Variants in MYCBP2 observed in about 807,000 individuals in gnomAD.
MYCBP2 encodes E3 ubiquitin-protein ligase MYCBP2.
A neutral mutation model predicts 525.3 loss-of-function variants in MYCBP2; 120 were observed. That is an observed-to-expected ratio of 0.23 (90% confidence interval 0.20 to 0.27). MYCBP2 has a LOEUF of 0.27. MYCBP2 is among the 10% of genes least tolerant of loss of function. The pLI is 1.00. For missense variants in MYCBP2, 4,149 were observed against 5,657.1 expected (o/e 0.73, Z 8.55); for synonymous variants, 1,894 against 1,955.8 (o/e 0.97, Z 0.83).
intron 1 of MYCBP2, among the ~76,000 whole-genome samples, chr13:77,322,290 G>A (rs1290558009): frequency 6.6e-6 from 1 of 152,180 alleles, no homozygotes; most frequent in Non-Finnish European, 1.5e-5. Flanking sequence ...AGGGGGTTAA[G>A]TTTAGATTCC....
intron 55 of MYCBP2, among the ~76,000 whole-genome samples, chr13:77,105,680 C>G (rs1230007036): frequency 6.6e-6 from 1 of 152,008 alleles, no homozygotes; most frequent in Non-Finnish European, 1.5e-5. Flanking sequence ...TTTACAAAAT[C>G]CTGTTAATAC....
intron 82 of MYCBP2, among the ~76,000 whole-genome samples, chr13:77,046,557 G>C (rs1386715714): frequency 6.6e-6 from 1 of 152,186 alleles, no homozygotes; most frequent in Non-Finnish European, 1.5e-5. Flanking sequence ...AAAGCTCTTA[G>C]ACTGCACAGT....
chr13:77,291,068 A>T (rs180820217), intron 2 of MYCBP2, among the ~76,000 whole-genome samples: 1 of 152,236 alleles, frequency 6.6e-6, no homozygotes, highest in African/African-American at 2.4e-5. Flanking sequence ...AAAATTCAAT[A>T]TCATTAAAAT....
intron 49 of MYCBP2, 77 bp downstream of exon 49, chr13:77,144,368 G>T: frequency 1.9e-6 from 2 of 1,034,510 alleles, no homozygotes. Flanking sequence ...AAGTTAATGG[G>T]CAAAACTAGA....
intron 4 of MYCBP2, 81 bp downstream of exon 4, chr13:77,278,677 T>A: frequency 8.2e-7 from 1 of 1,212,634 alleles, no homozygotes; most frequent in Non-Finnish European, 1.1e-6. Flanking sequence ...AATATTCTCT[T>A]AACAATTTTG....
chr13:77,077,193 G>A lies in MYCBP2; in HGVS notation c.11679C>T (p.Asn3893=). Reference sequence around the variant, plus strand: ...ATACTCGCAGAGTCTCAGCTTCACAGTTCCTCTGCTGGGCCACACTGGCTG... The same window carrying A: ...ATACTCGCAGAGTCTCAGCTTCACAATTCCTCTGCTGGGCCACACTGGCTG... ...QISASVAQQR[N]CEAETLRVFR... is the part of the protein sequence containing the mutation. The change falls in exon 67 of 83, where the codon AAC becomes AAT. Residue 3893 remains asparagine, a synonymous_variant. Transcript: ENST00000544440. The A allele has an allele frequency of 6.2e-7, 1 of 1,614,016 alleles. No individual in the cohort carries two copies. Among genetic ancestry groups the A allele is most frequent in the Non-Finnish European group, 8.5e-7 (1 of 1,179,970 alleles).
intron 3 of MYCBP2, 62 bp downstream of exon 3, chr13:77,288,099 G>T: frequency 1.3e-6 from 2 of 1,497,176 alleles, no homozygotes; most frequent in Admixed American, 1.8e-5. Context: ...GCGTATATAT[G>T]CATTATAGCC....
At chr13:77,306,485 G>C (rs1403098525) in intron 1 of MYCBP2, among the ~76,000 whole-genome samples, 2 of 152,114 alleles carry the variant, frequency 1.3e-5, no homozygotes, top group Non-Finnish European at 2.9e-5. Context: ...GTCTTCACAT[G>C]GGGGGAGGAC....
At chr13:77,161,774 T>C (rs1419360416) in intron 44 of MYCBP2, 132 bp downstream of exon 44, 1 of 627,664 alleles carries the variant, frequency 1.6e-6, no homozygotes, top group Non-Finnish European at 2.7e-6. Context: ...GTTATTTATC[T>C]CTATAATGCC....
chr13:77,260,632 A>G, intron 12 of MYCBP2, 40 bp from the exon 13 acceptor site: 2 of 1,454,668 alleles, frequency 1.4e-6, no homozygotes, highest in South Asian at 1.3e-5. Context: ...ACCTCTATGT[A>G]CAAATAATAA....
intron 30 of MYCBP2, among the ~76,000 whole-genome samples, chr13:77,188,571 A>C (rs946840418): frequency 4.6e-5 from 7 of 152,218 alleles, no homozygotes; most frequent in African/African-American, 1.7e-4. Context: ...TCCTAGTTAG[A>C]TATGCAACTC....
At chr13:77,241,215 A>G (rs943935441) in intron 17 of MYCBP2, among the ~76,000 whole-genome samples, 1 of 152,196 alleles carries the variant, frequency 6.6e-6, no homozygotes, top group African/African-American at 2.4e-5. Flanking sequence ...TCACCAAGTT[A>G]TGTCAAGTTA....
At chr13:77,074,364 T>C (rs1243124024) in intron 68 of MYCBP2, among the ~76,000 whole-genome samples, 5 of 152,086 alleles carry the variant, frequency 3.3e-5, no homozygotes, top group Non-Finnish European at 7.4e-5. Flanking sequence ...ATAACATTTC[T>C]AAAGGAAAAG....
intron 18 of MYCBP2, among the ~76,000 whole-genome samples, chr13:77,231,033 A>G (rs1308899155): frequency 2.0e-5 from 3 of 152,254 alleles, no homozygotes; most frequent in Non-Finnish European, 4.4e-5. Context: ...GAGGGAAATT[A>G]GTGAGCAGTA....
intron 2 of MYCBP2, among the ~76,000 whole-genome samples, chr13:77,294,110 A>ATATATACATATG (rs1567181668): frequency 2.0e-5 from 1 of 51,158 alleles, no homozygotes; most frequent in African/African-American, 4.8e-5. Flanking sequence ...ATGGCTATAT[A>ATATATACATATG]TATATATATA....
rs544470506 is a variant in MYCBP2, at chr13:77,218,538, G to A, written c.2940-581C>T. On this transcript the variant is annotated intron_variant, in intron 20 of 82. Coordinates refer to ENST00000544440, the MANE Select transcript of MYCBP2 (RefSeq NM_015057.5). ...TGGCTCCCCAACTTAATAATAATGC[G>A]ACCAGACTTCGAACAAGTTTTTCAT... 5.9e-5 allele frequency among the ~76,000 whole-genome samples: 9 copies of A among 152,218 alleles called. No homozygotes were observed. In the South Asian group the frequency reaches 1.5e-3, roughly 25 times the overall value.
chr13:77,073,047 A>G (rs1280835471), intron 68 of MYCBP2, among the ~76,000 whole-genome samples: 1 of 152,160 alleles, frequency 6.6e-6, no homozygotes, highest in Non-Finnish European at 1.5e-5. Flanking sequence ...ATAGAATTCA[A>G]TGGTTTTTAG....
intron 35 of MYCBP2, 95 bp from the exon 36 acceptor site, chr13:77,176,723 T>A (rs2059743535): frequency 9.7e-7 from 1 of 1,032,054 alleles, no homozygotes; most frequent in East Asian, 3.0e-5. Context: ...TAAAATTTAT[T>A]TTCTTGAATA....
chr13:77,291,199 A>C (rs1183766492), intron 2 of MYCBP2, among the ~76,000 whole-genome samples: 2 of 152,218 alleles, frequency 1.3e-5, no homozygotes, highest in African/African-American at 4.8e-5. Context: ...TAAGAAGAAG[A>C]CAATTACAAA....
Sources: gnomAD v4.1 joint callset for allele counts (sites outside exome capture counted in the v4.1 genomes callset) on GRCh38, gnomAD v4.1.1 for gene constraint, MANE v1.5 for transcripts, NCBI Gene and HGNC (gene_info 2026-07-23, HGNC 2026-07-21) for gene names.